ERO1B: variants seen among roughly 807,000 people sequenced by gnomAD.
ERO1B encodes endoplasmic reticulum oxidoreductase 1 beta, also known as ERO1-like protein beta.
ERO1B carries 49 observed loss-of-function variants against 75.3 expected under a neutral mutation model. The observed-to-expected ratio is 0.65, with a 90% CI of 0.52 to 0.83. ERO1B has a LOEUF of 0.83. Among genes scored for constraint, ERO1B ranks in the 40% least tolerant of loss-of-function variants. The pLI is 0.00. For synonymous variants in ERO1B, 191 were observed against 192.9 expected (o/e 0.99, Z 0.08); for missense variants, 512 against 560.1 (o/e 0.91, Z 0.87).
rs1665662636 is a variant in ERO1B, at chr1:236,274,247, G to C, written c.103-4253C>G. ...GATCCGCCTGCCTCAGCCTCTCAAAGTGCTGGGATTGCAGGTGTGAGCCAC... is the reference window on the plus strand; with the variant it reads ...GATCCGCCTGCCTCAGCCTCTCAAACTGCTGGGATTGCAGGTGTGAGCCAC... On this transcript the variant is annotated intron_variant, in intron 1 of 15. Coordinates refer to ENST00000354619, the MANE Select transcript of ERO1B (RefSeq NM_019891.4). Among the ~76,000 whole-genome samples, 2 of 152,162 alleles carry C rather than the reference G, an allele frequency of 1.3e-5. 1 individual carries two copies. The highest frequency in any genetic ancestry group is 4.1e-4 in the South Asian group (2 of 4,828).
chr1:236,263,778 C>CTTTTTTTTTTTTTT lies in ERO1B; in HGVS notation c.222+6083_222+6096dup. Among the ~76,000 whole-genome samples, 90 of 80,286 alleles carry CTTTTTTTTTTTTTT rather than the reference C, an allele frequency of 1.1e-3. 2 individuals carry two copies. Among genetic ancestry groups the CTTTTTTTTTTTTTT allele is most frequent in the Non-Finnish European group, 1.7e-3 (67 of 39,754 alleles). The allele number at this position is 80,286 out of a possible 152,430, so 52.7% of individuals were successfully genotyped here. A position where few individuals can be genotyped will look rare whatever the true frequency, so the allele number is the denominator to read the frequency against. On this transcript the variant is annotated intron_variant, in intron 2 of 15. Transcript: ENST00000354619. ...TATATTTTTTGTTTTATTTTGTTTG[C>CTTTTTTTTTTTTTT]TTTTTTTTTTTTTTTTTTTTTTTTT...
intron 1 of ERO1B, among the ~76,000 whole-genome samples, chr1:236,278,252 A>G (rs940064399): frequency 2.0e-5 from 3 of 152,094 alleles, no homozygotes; most frequent in Non-Finnish European, 2.9e-5. Flanking sequence ...GGACTGTCTC[A>G]TGGTTACAAA....
chr1:236,266,939 T>C (rs1162261162), intron 2 of ERO1B, among the ~76,000 whole-genome samples: 1 of 152,232 alleles, frequency 6.6e-6, no homozygotes, highest in Non-Finnish European at 1.5e-5. Flanking sequence ...AAGAATCAGA[T>C]TGTTGAGTAG....
chr1:236,216,367 A>T lies in ERO1B; in HGVS notation c.*2149T>A, dbSNP rs138528327. 9.2e-5 allele frequency: 14 copies of T among 152,298 alleles called. 1 individual carries two copies. The East Asian group carries it at 2.7e-3, about 29-fold the overall frequency. The allele number at this position is 152,298 out of a possible 1,614,324, so 9.4% of individuals were successfully genotyped here. On this transcript the variant is annotated 3_prime_UTR_variant, in exon 16 of 16. Coordinates refer to ENST00000354619, the MANE Select transcript of ERO1B (RefSeq NM_019891.4). ...AAAAACAGTTTAGATCACAAGAACC[A>T]TAAAATGTCACCAGGCTCACACAAT...
intron 5 of ERO1B, among the ~76,000 whole-genome samples, chr1:236,248,544 A>G (rs189847097): frequency 1.6e-3 from 242 of 152,386 alleles, no homozygotes; most frequent in Non-Finnish European, 2.7e-3. Context: ...TGGGATATTT[A>G]TATGATGAAA....
rs560509405 is a variant in ERO1B, at chr1:236,251,603, T to C, written c.348+447A>G. Among the ~76,000 whole-genome samples, 8 of 152,224 alleles carry C rather than the reference T, an allele frequency of 5.3e-5. No homozygotes were observed. The South Asian group carries it at 1.7e-3, about 32-fold the overall frequency. On this transcript the variant is annotated intron_variant, in intron 4 of 15. Coordinates refer to ENST00000354619, the MANE Select transcript of ERO1B (RefSeq NM_019891.4). The stretch of plus-strand genomic sequence containing the variant: ...AAACGGTTCTCTAAAAACATATCAA[T>C]GGCAAAATATAATACTCTCATAAAA...
chr1:236,246,697 T>C (rs1007849192), intron 5 of ERO1B, among the ~76,000 whole-genome samples: 4 of 152,276 alleles, frequency 2.6e-5, no homozygotes, highest in Admixed American at 2.6e-4. Flanking sequence ...AAAACTAATC[T>C]CTGTCAGTAT....
rs376490620 is a variant in ERO1B at position 236,216,481 on chromosome 1, A to C, written c.*2035T>G. The C allele has an allele frequency of 3.3e-5, 5 of 152,296 alleles. No individual in the cohort carries two copies. The highest frequency in any genetic ancestry group is 9.6e-5 in the African/African-American group (4 of 41,580). 9.4% of individuals were successfully genotyped at this position (152,296 alleles called of 1,614,324 possible). ...AAATAAGATGAATTTCAGCCTAAGA[A>C]TACTTCATTTATTTTCTTAGTTGTG... On this transcript the variant is annotated 3_prime_UTR_variant, in exon 16 of 16. Coordinates refer to ENST00000354619, the MANE Select transcript of ERO1B (RefSeq NM_019891.4).
Position 236,272,596 on chromosome 1 carries a change from T to A in ERO1B, c.103-2602A>T, listed in dbSNP as rs1665616109. ...GGGACAAGAGCTGAAAAATTCCCTA[T>A]ACCCATGTAACAAACCTGCACATGT... On this transcript the variant is annotated intron_variant, in intron 1 of 15. Coordinates refer to ENST00000354619, the MANE Select transcript of ERO1B (RefSeq NM_019891.4). Among the ~76,000 whole-genome samples the A allele has an allele frequency of 2.6e-5, 4 of 152,012 alleles. No individual in the cohort carries two copies. The South Asian group carries it at 8.3e-4, about 32-fold the overall frequency.
chr1:236,274,902 T>C (rs1193071156), intron 1 of ERO1B, among the ~76,000 whole-genome samples: 3 of 152,188 alleles, frequency 2.0e-5, no homozygotes, highest in Non-Finnish European at 4.4e-5. Flanking sequence ...GAACTGGGGC[T>C]GCTAACCATT....
chr1:236,232,850 AAAT>A lies in ERO1B; in HGVS notation c.674-14_674-12del, dbSNP rs781759205. Reference sequence around the variant, plus strand: ...CACCATCATCTTCGCCTAAAAGAGAAAATAATAGAAAAGATTTTAGAAAATGTC... The same window carrying A: ...CACCATCATCTTCGCCTAAAAGAGAAAATAGAAAAGATTTTAGAAAATGTC... On this transcript the variant is annotated splice_polypyrimidine_tract_variant and intron_variant, in intron 8 of 15. Coordinates refer to ENST00000354619, the MANE Select transcript of ERO1B (RefSeq NM_019891.4). The A allele has an allele frequency of 1.4e-5, 23 of 1,593,116 alleles. No individual in the cohort carries two copies. The highest frequency in any genetic ancestry group is 1.9e-5 in the Non-Finnish European group (22 of 1,169,326).
intron 4 of ERO1B, among the ~76,000 whole-genome samples, chr1:236,250,572 C>CATATATAT (rs1171832762): frequency 1.5e-4 from 13 of 86,398 alleles, no homozygotes; most frequent in Middle Eastern, 7.6e-3. Context: ...TAAATTTGAC[C>CATATATAT]ATATATATAT....
intron 6 of ERO1B, 96 bp downstream of exon 6, chr1:236,243,325 AC>A: frequency 1.2e-6 from 1 of 858,128 alleles, no homozygotes; most frequent in Non-Finnish European, 1.8e-6. Context: ...AAAATCCAGT[AC>A]TGAAGCTATA....
At chr1:236,262,464 G>A (rs1421764380) in intron 2 of ERO1B, among the ~76,000 whole-genome samples, 1 of 152,074 alleles carries the variant, frequency 6.6e-6, no homozygotes, top group Non-Finnish European at 1.5e-5. Context: ...GTGCAGTGAT[G>A]CAACCTCAGT....
chr1:236,249,675 T>C lies in ERO1B; in HGVS notation c.431+210A>G, dbSNP rs1664968824. 2.0e-5 allele frequency among the ~76,000 whole-genome samples: 3 copies of C among 152,194 alleles called. No individual in the cohort carries two copies. The South Asian group carries it at 6.2e-4, about 31-fold the overall frequency. Reference sequence around the variant, plus strand: ...TTTCTACTTTTTAAAAGATTTACTATGGATGATACATTCTAGAAATTTAAG... The same window carrying C: ...TTTCTACTTTTTAAAAGATTTACTACGGATGATACATTCTAGAAATTTAAG... On this transcript the variant is annotated intron_variant, in intron 5 of 15. Coordinates refer to ENST00000354619, the MANE Select transcript of ERO1B (RefSeq NM_019891.4).
chr1:236,268,524 G>A (rs925681415), intron 2 of ERO1B, among the ~76,000 whole-genome samples: 16 of 152,248 alleles, frequency 1.1e-4, no homozygotes, highest in East Asian at 1.9e-4. Context: ...TTGATCAATC[G>A]ATAGATCACT....
At chr1:236,220,722 A>AATTT (rs1553369233) in intron 15 of ERO1B, 110 bp downstream of exon 15, 1 of 1,105,848 alleles carries the variant, frequency 9.0e-7, no homozygotes, top group Non-Finnish European at 1.2e-6. Context: ...ACAATATAAA[A>AATTT]TTTTTTTTTG....
At chr1:236,272,703 C>T (rs1041323230) in intron 1 of ERO1B, among the ~76,000 whole-genome samples, 16 of 152,178 alleles carry the variant, frequency 1.1e-4, no homozygotes, top group Admixed American at 1.0e-3. Context: ...ATTACATCTA[C>T]CTCCCTCTCC....
intron 5 of ERO1B, 90 bp downstream of exon 5, chr1:236,249,795 T>C (rs1043740351): frequency 6.3e-6 from 6 of 949,686 alleles, no homozygotes; most frequent in Non-Finnish European, 7.7e-6. Flanking sequence ...AAAACTTTAA[T>C]GGGTTCGAAA....
Sources: gnomAD v4.1 joint callset for allele counts (sites outside exome capture counted in the v4.1 genomes callset) on GRCh38, gnomAD v4.1.1 for gene constraint, MANE v1.5 for transcripts, NCBI Gene and HGNC (gene_info 2026-07-23, HGNC 2026-07-21) for gene names.